The following ARHGAP6 variants were observed in gnomAD, a reference collection of about 807,000 sequenced individuals.
ARHGAP6 encodes rho GTPase-activating protein 6.
ARHGAP6 carries 16 observed loss-of-function variants against 55.7 expected under a neutral mutation model. The ratio of observed to expected loss-of-function variants is 0.29; its 90% CI spans 0.19 to 0.44. The LOEUF (loss-of-function observed/expected upper bound fraction) is 0.44. ARHGAP6 is among the 20% of genes least tolerant of loss of function. The probability of loss-of-function intolerance (pLI) is 1.00; values close to 1 mark genes in which losing one functional copy is unlikely to be tolerated. For missense variants in ARHGAP6, 698 were observed against 808.9 expected, an observed-to-expected ratio of 0.86 and a Z score of 1.66; for synonymous variants, 382 against 360.9, an observed-to-expected ratio of 1.06 and a Z score of -0.66.
intron 1 of ARHGAP6, among the ~76,000 whole-genome samples, chrX:11,373,407 A>G (rs2049168309): frequency 9.2e-6 from 1 of 108,814 alleles, no homozygotes; most frequent in Non-Finnish European, 1.9e-5. Context: ...AGAGAGAGAG[A>G]AAAAAGCAAA....
chrX:11,150,714 A>G (rs2045763124), intron 10 of ARHGAP6, among the ~76,000 whole-genome samples: 1 of 111,586 alleles, frequency 9.0e-6, no homozygotes, highest in African/African-American at 3.3e-5. Flanking sequence ...GCTTGAGCCC[A>G]GGCGGTTGAG....
chrX:11,389,521 T>A (rs2049376069), intron 1 of ARHGAP6, among the ~76,000 whole-genome samples: 1 of 112,439 alleles, frequency 8.9e-6, no homozygotes, highest in South Asian at 3.6e-4. Flanking sequence ...TTATTTTGAT[T>A]GTTGGAATTG....
chrX:11,399,784 G>A (rs759124540), intron 1 of ARHGAP6, among the ~76,000 whole-genome samples: 2 of 111,857 alleles, frequency 1.8e-5, no homozygotes, highest in South Asian at 3.7e-4. Context: ...GCACATAAAT[G>A]TTCACAGCAT....
chrX:11,565,176 A>G (rs2051429208), intron 1 of ARHGAP6, among the ~76,000 whole-genome samples: 1 of 112,028 alleles, frequency 8.9e-6, no homozygotes, highest in Non-Finnish European at 1.9e-5. Context: ...CACATCAACA[A>G]CTATCACTGA....
chrX:11,591,929 T>A (rs1372667251), intron 1 of ARHGAP6, among the ~76,000 whole-genome samples: 1 of 112,137 alleles, frequency 8.9e-6, no homozygotes, highest in Non-Finnish European at 1.9e-5. Context: ...GTTCTTTTTT[T>A]ACACTTCACA....
At chrX:11,433,203 G>A (rs1166714543) in intron 1 of ARHGAP6, among the ~76,000 whole-genome samples, 1 of 112,072 alleles carries the variant, frequency 8.9e-6, no homozygotes, top group Non-Finnish European at 1.9e-5. Flanking sequence ...ATTGTCTTTG[G>A]CCTCAAACCC....
chrX:11,303,741 G>C, intron 1 of ARHGAP6, among the ~76,000 whole-genome samples: 1 of 111,538 alleles, frequency 9.0e-6, no homozygotes, highest in Non-Finnish European at 1.9e-5. Flanking sequence ...CACAAAGCCG[G>C]CTTTCCAGTG....
At chrX:11,335,644 C>A in intron 1 of ARHGAP6, 1 of 283,485 alleles carries the variant, frequency 3.5e-6, no homozygotes, top group Non-Finnish European at 6.5e-6. Flanking sequence ...GGGTTGGTTC[C>A]AAGTCTTTGC....
At chrX:11,560,417 GAGA>G (rs2051373080) in intron 1 of ARHGAP6, among the ~76,000 whole-genome samples, 1 of 112,549 alleles carries the variant, frequency 8.9e-6, no homozygotes, top group African/African-American at 3.2e-5. Flanking sequence ...TTAATGAAAG[GAGA>G]AGTACTTTCA....
chrX:11,219,164 T>C (rs1238543117), intron 2 of ARHGAP6, among the ~76,000 whole-genome samples: 3 of 100,637 alleles, frequency 3.0e-5, no homozygotes, highest in Admixed American at 1.1e-4. Context: ...TGTGATAGTT[T>C]ACTGAGAATG....
intron 1 of ARHGAP6, among the ~76,000 whole-genome samples, chrX:11,403,220 T>A (rs1018958881): frequency 1.8e-5 from 2 of 111,054 alleles, no homozygotes; most frequent in Non-Finnish European, 3.8e-5. Flanking sequence ...CAGGGCTGGG[T>A]GTAGGTATGG....
intron 1 of ARHGAP6, among the ~76,000 whole-genome samples, chrX:11,424,675 A>C (rs2049860314): frequency 8.9e-6 from 1 of 111,769 alleles, no homozygotes; most frequent in South Asian, 3.8e-4. Flanking sequence ...CTCACTCCAT[A>C]CTGGGATCAT....
intron 1 of ARHGAP6, among the ~76,000 whole-genome samples, chrX:11,488,598 T>C: frequency 9.0e-6 from 1 of 110,682 alleles, no homozygotes; most frequent in East Asian, 2.8e-4. Context: ...CTGGTATGGT[T>C]AGGAACCGGG....
intron 2 of ARHGAP6, among the ~76,000 whole-genome samples, chrX:11,221,171 C>T (rs539578497): frequency 4.0e-4 from 45 of 112,278 alleles, no homozygotes; most frequent in Admixed American, 1.1e-3. Flanking sequence ...TCTCCTTCTC[C>T]TTCAGTTCTG....
intron 2 of ARHGAP6, among the ~76,000 whole-genome samples, chrX:11,210,882 A>C (rs1569256994): frequency 8.9e-6 from 1 of 112,271 alleles, no homozygotes; most frequent in African/African-American, 3.2e-5. Flanking sequence ...TATTATTATG[A>C]AAAACAAAAC....
At chrX:11,210,056 G>A (rs1289235492) in intron 2 of ARHGAP6, among the ~76,000 whole-genome samples, 1 of 112,673 alleles carries the variant, frequency 8.9e-6, no homozygotes, top group Non-Finnish European at 1.9e-5. Context: ...ATTAGCAAGT[G>A]GCAATGACCA....
At chrX:11,618,360 C>A (rs2052190504) in intron 1 of ARHGAP6, among the ~76,000 whole-genome samples, 1 of 112,395 alleles carries the variant, frequency 8.9e-6, no homozygotes, top group African/African-American at 3.2e-5. Flanking sequence ...CAGCTTTATA[C>A]ACATACACAG....
chrX:11,561,346 T>C (rs776676420), intron 1 of ARHGAP6, among the ~76,000 whole-genome samples: 3 of 112,250 alleles, frequency 2.7e-5, no homozygotes, highest in Non-Finnish European at 5.6e-5. Flanking sequence ...GTATGTTAAG[T>C]ATAAGAAATT....
chrX:11,241,567 T>C (rs867353445), intron 2 of ARHGAP6, among the ~76,000 whole-genome samples: 7 of 104,146 alleles, frequency 6.7e-5, no homozygotes, highest in East Asian at 2.9e-4. Flanking sequence ...TGTGTGTGTG[T>C]GTGTGTGCGC....
Sources: gnomAD v4.1 joint callset for allele counts (sites outside exome capture counted in the v4.1 genomes callset) on GRCh38, gnomAD v4.1.1 for gene constraint, MANE v1.5 for transcripts, NCBI Gene and HGNC (gene_info 2026-07-23, HGNC 2026-07-21) for gene names.